Variants in COL6A5 observed in about 807,000 individuals in gnomAD.
The protein encoded by COL6A5 is collagen type VI alpha 5 chain, also known as collagen alpha-5(VI) chain.
Under a neutral mutation model 65.6 loss-of-function variants are expected in COL6A5, and 48 were observed. That is an observed-to-expected ratio of 0.73 (90% confidence interval 0.58 to 0.93). The LOEUF (loss-of-function observed/expected upper bound fraction) is 0.93, where lower values mean the gene tolerates loss of function less well. Among genes scored for constraint, COL6A5 ranks in the 40% least tolerant of loss-of-function variants. The probability of loss-of-function intolerance (pLI) is 0.00; values close to 1 mark genes in which losing one functional copy is unlikely to be tolerated. For synonymous variants in COL6A5, 291 were observed against 322.8 expected (o/e 0.90, Z 1.05); for missense variants, 914 against 928.3 (o/e 0.98, Z 0.20).
intron 1 of COL6A5, among the ~76,000 whole-genome samples, chr3:130,356,159 G>T (rs1170592758): frequency 6.6e-6 from 1 of 152,034 alleles, no homozygotes. Context: ...CAGTGATGGC[G>T]CAAGCGATAA....
At chr3:130,459,138 G>A (rs1709644585) in intron 5 of COL6A5, among the ~76,000 whole-genome samples, 1 of 152,004 alleles carries the variant, frequency 6.6e-6, no homozygotes, top group African/African-American at 2.4e-5. Flanking sequence ...CTCAGCCTAG[G>A]CCCTGCTCCT....
exon 12 of COL6A5, chr3:130,401,834 C>G (rs952300636): frequency 6.4e-7 from 1 of 1,551,174 alleles, no homozygotes. Context: ...TCATGGGACC[C>G]GAGGACTACA....
intron 24 of COL6A5, among the ~76,000 whole-genome samples, chr3:130,417,627 G>A (rs563688179): frequency 4.6e-4 from 70 of 151,960 alleles, no homozygotes; most frequent in African/African-American, 1.6e-3. Flanking sequence ...CTCGAACCAC[G>A]ACTATCTCTG....
At chr3:130,405,455 C>A in intron 13 of COL6A5, 133 bp from the exon 14 acceptor site, 1 of 588,856 alleles carries the variant, frequency 1.7e-6, no homozygotes, top group South Asian at 2.5e-5. Flanking sequence ...CTTTTGAATC[C>A]TTTTTGAAGA....
At chr3:130,457,666 G>A (rs1041184214) in intron 5 of COL6A5, among the ~76,000 whole-genome samples, 2 of 152,098 alleles carry the variant, frequency 1.3e-5, no homozygotes, top group African/African-American at 4.8e-5. Flanking sequence ...GAAGGATAAT[G>A]TGTATTTTTT....
Position 130,379,284 on chromosome 3 carries a change from A to G in COL6A5, c.668-134A>G, listed in dbSNP as rs73870613. On this transcript the variant is annotated intron_variant and NMD_transcript_variant, in intron 3 of 41. Coordinates refer to the COL6A5 transcript ENST00000312481. ...TTAGAATTTTGATTTTTTGTTCACT[A>G]AAAGAAAACGATGCTGTCTACATCC... is the stretch of plus-strand genomic sequence containing the variant. The G allele has an allele frequency of 1.7e-3, 1,476 of 871,144 alleles. 16 individuals are homozygous for G. In the African/African-American group the frequency reaches 0.021, roughly 12 times the overall value. The allele number at this position is 871,144 out of a possible 1,614,324, so 54.0% of individuals were successfully genotyped here. A position where few individuals can be genotyped will look rare whatever the true frequency, so the allele number is the denominator to read the frequency against.
At chr3:130,472,021 G>GT in intron 7 of COL6A5, 95 bp downstream of exon 40, 1 of 1,207,882 alleles carries the variant, frequency 8.3e-7, no homozygotes, top group Non-Finnish European at 1.1e-6. Context: ...ACTGGGAGAG[G>GT]TAGAGATGAC....
intron 7 of COL6A5, among the ~76,000 whole-genome samples, chr3:130,393,099 TG>T (rs34820464): frequency 6.6e-6 from 1 of 151,222 alleles, no homozygotes; most frequent in Non-Finnish European, 1.5e-5. Context: ...TGTGTGTGTG[TG>T]TGTTTTTCTT....
intron 7 of COL6A5, among the ~76,000 whole-genome samples, chr3:130,480,009 T>C (rs933856568): frequency 6.6e-6 from 1 of 152,016 alleles, no homozygotes; most frequent in Non-Finnish European, 1.5e-5. Flanking sequence ...CGGGATATGA[T>C]TCAGAAAAAA....
intron 3 of COL6A5, among the ~76,000 whole-genome samples, 161 bp from the exon 4 acceptor site, chr3:130,379,257 G>A (rs1408434067): frequency 6.6e-6 from 1 of 152,084 alleles, no homozygotes; most frequent in Non-Finnish European, 1.5e-5. Flanking sequence ...TGTAAGTCTT[G>A]TTTAGAATTT....
chr3:130,414,776 T>C (rs1497309), intron 22 of COL6A5, among the ~76,000 whole-genome samples: 89,725 of 151,906 alleles, frequency 0.59, 28,826 homozygotes, highest in Non-Finnish European at 0.73. Flanking sequence ...TGGACTCGTA[T>C]GGAAGGGCCT....
At chr3:130,353,684 AG>A (rs1376837545) in intron 1 of COL6A5, among the ~76,000 whole-genome samples, 3 of 151,436 alleles carry the variant, frequency 2.0e-5, no homozygotes, top group Non-Finnish European at 4.4e-5. Context: ...AATGAAAAAC[AG>A]ACAACAGAAA....
At chr3:130,394,833 A>G in intron 7 of COL6A5, 57 bp from the exon 8 acceptor site, 5 of 1,350,292 alleles carry the variant, frequency 3.7e-6, no homozygotes, top group Non-Finnish European at 5.1e-6. Flanking sequence ...TATATGAGGA[A>G]AGGAAAAATT....
chr3:130,428,495 G>A (rs1291907589), upstream of COL6A5, among the ~76,000 whole-genome samples: 3 of 152,044 alleles, frequency 2.0e-5, no homozygotes, highest in Non-Finnish European at 4.4e-5. Flanking sequence ...CATTTTGGAG[G>A]GAGACACATA....
At chr3:130,466,929 T>A (rs981410707) in intron 5 of COL6A5, among the ~76,000 whole-genome samples, 5 of 152,000 alleles carry the variant, frequency 3.3e-5, no homozygotes, top group African/African-American at 1.2e-4. Context: ...GCCTTATACC[T>A]ATTAATGAGA....
chr3:130,410,056 A>C lies in COL6A5; in HGVS notation c.4590A>C (p.Lys1530Asn). Residue 1530 changes from lysine (K) to asparagine (N), a missense_variant and NMD_transcript_variant, in exon 19 of 42, where the codon AAA becomes AAC. Lys to Asn is a moderately conservative substitution (Grantham distance 94). Transcript: ENST00000312481. ...ACATCAAAGGACAAAAGGGCTCCAA[A>C]GGAGAACAAGGAAGACAAGTAATTT... The C allele has an allele frequency of 1.3e-6, 2 of 1,548,946 alleles. No homozygotes were observed. Among genetic ancestry groups the C allele is most frequent in the Non-Finnish European group, 8.7e-7 (1 of 1,144,748 alleles).
chr3:130,484,293 C>A, exon 8 of COL6A5: 1 of 522,340 alleles, frequency 1.9e-6, no homozygotes. Context: ...CTCCTGAGAA[C>A]TGGGGAAACC....
Position 130,345,721 on chromosome 3 carries a change from G to C in COL6A5, c.-289G>C, listed in dbSNP as rs1168564401. The C allele has an allele frequency of 1.3e-5, 5 of 398,606 alleles. No homozygotes were observed. In the East Asian group the frequency reaches 1.4e-4, roughly 11 times the overall value. The allele number at this position is 398,606 out of a possible 1,614,324, so 24.7% of individuals were successfully genotyped here. A position where few individuals can be genotyped will look rare whatever the true frequency, so the allele number is the denominator to read the frequency against. ...AGTTAAAAGCCCCAGGGAAGAGCCAGGCCAAGGGCACGGGTCAGCGCCGGC... is the reference window on the plus strand; with the variant it reads ...AGTTAAAAGCCCCAGGGAAGAGCCACGCCAAGGGCACGGGTCAGCGCCGGC... On this transcript the variant is annotated 5_prime_UTR_variant and NMD_transcript_variant, in exon 1 of 42. Transcript: ENST00000312481.
chr3:130,401,975 T>C, intron 12 of COL6A5, 121 bp downstream of exon 12: 3 of 683,722 alleles, frequency 4.4e-6, no homozygotes, highest in Non-Finnish European at 4.9e-6. Flanking sequence ...TTTGGACATT[T>C]CATGTGACTT....
Sources: allele counts gnomAD v4.1 joint callset (sites outside exome capture counted in the v4.1 genomes callset), GRCh38; gene constraint gnomAD v4.1.1; transcripts MANE v1.5; gene names NCBI Gene and HGNC (gene_info 2026-07-23, HGNC 2026-07-21).